Variants in MRPL48 observed in about 807,000 individuals in gnomAD.
MRPL48 encodes the protein large ribosomal subunit protein mL48.
MRPL48 carries 16 observed loss-of-function variants against 32.9 expected under a neutral mutation model. That is an observed-to-expected ratio of 0.49 (90% confidence interval 0.33 to 0.74). The LOEUF (loss-of-function observed/expected upper bound fraction) is 0.74, where lower values mean the gene tolerates loss of function less well. Among genes scored for constraint, MRPL48 ranks in the 30% least tolerant of loss-of-function variants. The pLI, the probability that MRPL48 is intolerant of heterozygous loss-of-function variation, is 0.02. For missense variants in MRPL48, 206 were observed against 245.3 expected (o/e 0.84, Z 1.07); for synonymous variants, 94 against 89.2 (o/e 1.05, Z -0.31).
chr11:73,821,717 A>G (rs1947786606), intron 3 of MRPL48, among the ~76,000 whole-genome samples: 1 of 152,118 alleles, frequency 6.6e-6, no homozygotes, highest in South Asian at 2.1e-4. Context: ...CCTAGGTGGC[A>G]GGTTCTGTAT....
Position 73,816,799 on chromosome 11 carries a change from C to T in MRPL48, c.112+8449C>T, listed in dbSNP as rs181571189. On this transcript the variant is annotated intron_variant, in intron 3 of 7. Coordinates refer to ENST00000310614, the MANE Select transcript of MRPL48 (RefSeq NM_016055.6). ...TTTAGTATCTGGTAGCTACCTAATT[C>T]GGATGTCATTTTTTGTTTATTTTGT... Among the ~76,000 whole-genome samples, 217 of 150,574 alleles carry T rather than the reference C, an allele frequency of 1.4e-3. 2 individuals are homozygous for T. Among genetic ancestry groups the T allele is most frequent in the African/African-American group, 5.1e-3 (211 of 41,012 alleles).
intron 3 of MRPL48, among the ~76,000 whole-genome samples, chr11:73,816,616 C>T (rs987113427): frequency 5.9e-5 from 9 of 151,518 alleles, no homozygotes; most frequent in Non-Finnish European, 1.0e-4. Context: ...AGGCATGCGC[C>T]ACCATGCCCA....
chr11:73,810,561 T>C (rs74465824), intron 3 of MRPL48, among the ~76,000 whole-genome samples: 55 of 148,808 alleles, frequency 3.7e-4, no homozygotes, highest in Middle Eastern at 3.4e-3. Flanking sequence ...CTTTCTTTAT[T>C]TTTTTTTTTT....
intron 6 of MRPL48, among the ~76,000 whole-genome samples, chr11:73,861,210 T>C (rs1272854092): frequency 3.9e-5 from 6 of 152,228 alleles, no homozygotes; most frequent in Non-Finnish European, 2.9e-5. Context: ...ATTAAATTAT[T>C]TATAATATAT....
At chr11:73,788,057 C>T (rs1947074551) in intron 1 of MRPL48, 65 bp downstream of exon 1, 2 of 1,595,142 alleles carry the variant, frequency 1.3e-6, no homozygotes, top group African/African-American at 1.3e-5. Flanking sequence ...GGGGAGATGG[C>T]GGAGGGTGCA....
intron 3 of MRPL48, among the ~76,000 whole-genome samples, chr11:73,821,454 A>C (rs1168787161): frequency 3.3e-5 from 5 of 152,090 alleles, no homozygotes; most frequent in Non-Finnish European, 7.4e-5. Context: ...GCCCTTCCTA[A>C]GCCTTGCCTG....
chr11:73,860,002 T>C lies in MRPL48; in HGVS notation c.467T>C (p.Val156Ala). The change falls in exon 6 of 8, where the codon GTG (valine) becomes GCG (alanine). Residue 156 changes from valine (V) to alanine (A), a missense_variant. By Grantham distance (64) the Val-to-Ala change is moderately conservative. Coordinates refer to ENST00000310614, the MANE Select transcript of MRPL48 (RefSeq NM_016055.6). ...TCAGTGCTTACCACCCATGAGCGAG[T>C]GGTTCAGGTAGGCACTCCAGGAGAA... ...LDSVLTTHER[V>A]VQISGLSATF... 1 of 1,613,404 alleles carries C rather than the reference T, an allele frequency of 6.2e-7. No individual in the cohort carries two copies. The highest frequency in any genetic ancestry group is 8.5e-7 in the Non-Finnish European group (1 of 1,179,656).
chr11:73,817,512 A>T lies in MRPL48; in HGVS notation c.113-8196A>T, dbSNP rs546934723. Among the ~76,000 whole-genome samples, 7 of 152,296 alleles carry T rather than the reference A, an allele frequency of 4.6e-5. No homozygotes were observed. In the South Asian group the frequency reaches 6.2e-4, roughly 14 times the overall value. ...TACATACTCATCAACATCGAGTATTATTTTTAATATTTGCTAATATTGTAG... is the reference window on the plus strand; with the variant it reads ...TACATACTCATCAACATCGAGTATTTTTTTTAATATTTGCTAATATTGTAG... On this transcript the variant is annotated intron_variant, in intron 3 of 7. Transcript: ENST00000310614.
Position 73,864,254 on chromosome 11 carries a change from C to T in MRPL48, c.565-42C>T, listed in dbSNP as rs547223818. 1.1e-5 allele frequency: 18 copies of T among 1,571,938 alleles called. No individual in the cohort carries two copies. In the African/African-American group the frequency reaches 1.7e-4, roughly 15 times the overall value. ...CTGTGCATATCTGGGTAACTAAAAG[C>T]TCTGCAGTAATTACCGCTTATTTTC... On this transcript the variant is annotated intron_variant, in intron 7 of 7. Coordinates refer to ENST00000310614, the MANE Select transcript of MRPL48 (RefSeq NM_016055.6).
chr11:73,861,552 A>G (rs951027028), intron 6 of MRPL48, among the ~76,000 whole-genome samples: 3 of 151,946 alleles, frequency 2.0e-5, no homozygotes, highest in Admixed American at 1.3e-4. Flanking sequence ...TATTTTTAGT[A>G]GAGATGGGGT....
intron 3 of MRPL48, among the ~76,000 whole-genome samples, chr11:73,814,503 T>G (rs888568839): frequency 6.6e-6 from 1 of 152,050 alleles, no homozygotes. Flanking sequence ...GAGACCAGCC[T>G]GGCCAATATG....
chr11:73,818,739 C>T (rs1224584205), intron 3 of MRPL48, among the ~76,000 whole-genome samples: 2 of 152,150 alleles, frequency 1.3e-5, no homozygotes, highest in East Asian at 3.9e-4. Context: ...ATGCTTATCC[C>T]ATTTCTGAAT....
intron 5 of MRPL48, among the ~76,000 whole-genome samples, chr11:73,846,888 C>G (rs961493174): frequency 6.6e-6 from 1 of 151,838 alleles, no homozygotes; most frequent in African/African-American, 2.4e-5. Context: ...CTGATATGAC[C>G]TAGTCCTCTG....
At chr11:73,859,663 AT>A (rs150663562) in intron 5 of MRPL48, among the ~76,000 whole-genome samples, 4,569 of 149,908 alleles carry the variant, frequency 0.03, 84 homozygotes, top group Non-Finnish European at 0.047. Flanking sequence ...GGAGTATTGT[AT>A]TTTTTTTTTG....
chr11:73,850,980 C>T, intron 5 of MRPL48: 2 of 387,238 alleles, frequency 5.2e-6, no homozygotes, highest in South Asian at 4.3e-5. Flanking sequence ...CCGGCCTGGG[C>T]TATACAATTT....
At chr11:73,850,263 A>G (rs1193994396) in intron 5 of MRPL48, among the ~76,000 whole-genome samples, 1 of 152,034 alleles carries the variant, frequency 6.6e-6, no homozygotes, top group African/African-American at 2.4e-5. Context: ...TACAGAATCA[A>G]TATAAAATAG....
chr11:73,852,003 T>C (rs1177780238), intron 5 of MRPL48, among the ~76,000 whole-genome samples: 4 of 151,944 alleles, frequency 2.6e-5, no homozygotes, highest in African/African-American at 9.7e-5. Context: ...TAACATAATG[T>C]GAAAGATAAA....
At chr11:73,863,886 G>A (rs1948625817) in intron 7 of MRPL48, among the ~76,000 whole-genome samples, 1 of 152,094 alleles carries the variant, frequency 6.6e-6, no homozygotes, top group African/African-American at 2.4e-5. Context: ...CTTCTGGTTG[G>A]TATTTGGGTT....
At chr11:73,855,855 T>C (rs1948474500) in intron 5 of MRPL48, among the ~76,000 whole-genome samples, 1 of 152,236 alleles carries the variant, frequency 6.6e-6, no homozygotes, top group Admixed American at 6.5e-5. Flanking sequence ...GGAAACCTCA[T>C]TAAGTTAGAT....
Sources: gnomAD v4.1 joint callset for allele counts (sites outside exome capture counted in the v4.1 genomes callset) on GRCh38, gnomAD v4.1.1 for gene constraint, MANE v1.5 for transcripts, NCBI Gene and HGNC (gene_info 2026-07-23, HGNC 2026-07-21) for gene names.